RPS6KA2: variants seen among roughly 807,000 people sequenced by gnomAD.
RPS6KA2 encodes the protein ribosomal protein S6 kinase alpha-2.
A neutral mutation model predicts 91.8 loss-of-function variants in RPS6KA2; 42 were observed. The observed-to-expected ratio is 0.46, with a 90% CI of 0.36 to 0.59. The LOEUF is 0.59. Among genes scored for constraint, RPS6KA2 ranks in the 20% least tolerant of loss-of-function variants. RPS6KA2 has a pLI of 0.00. For synonymous variants in RPS6KA2, 414 were observed against 393.6 expected, an observed-to-expected ratio of 1.05 and a Z score of -0.61; for missense variants, 798 against 978.5, an observed-to-expected ratio of 0.82 and a Z score of 2.46.
At position 166,487,368 on chromosome 6, in the gene RPS6KA2, C is replaced by T. The variant is rs117644611; in HGVS notation, c.907+1465G>A. 7.5e-4 allele frequency among the ~76,000 whole-genome samples: 114 copies of T among 152,146 alleles called. 3 individuals are homozygous for T. The East Asian group carries it at 0.019, about 26-fold the overall frequency. ...ACCTGCTCTGACGTCACCAGTGCCA[C>T]GGGAGCTCACTGTGTCACCTGCTCT... On this transcript the variant is annotated intron_variant, in intron 10 of 20. Coordinates refer to ENST00000265678, the MANE Select transcript of RPS6KA2 (RefSeq NM_021135.6).
chr6:166,660,391 T>C (rs1402192180), intron 2 of RPS6KA2, among the ~76,000 whole-genome samples: 1 of 86,174 alleles, frequency 1.2e-5, no homozygotes, highest in Non-Finnish European at 2.6e-5. Flanking sequence ...TGTATGGGCA[T>C]GCGTGCGTGT....
chr6:166,474,795 C>G (rs1180643481), intron 10 of RPS6KA2, among the ~76,000 whole-genome samples: 1 of 151,952 alleles, frequency 6.6e-6, no homozygotes, highest in Non-Finnish European at 1.5e-5. Flanking sequence ...AGGGTCTAGC[C>G]CTACAAAGCC....
intron 2 of RPS6KA2, among the ~76,000 whole-genome samples, chr6:166,805,172 C>T (rs1779459816): frequency 6.6e-6 from 1 of 152,198 alleles, no homozygotes; most frequent in Admixed American, 6.5e-5. Flanking sequence ...TACCTCTTGG[C>T]GTAGTAACAG....
At position 166,745,057 on chromosome 6, in the gene RPS6KA2, AG is replaced by A. The variant is rs200922796; in HGVS notation, c.123+113142del. On this transcript the variant is annotated intron_variant, in intron 2 of 21. Transcript: ENST00000503859. ...GAGGATGTTGGCAGGGTTGGCTTCT[AG>A]GGGGACCTTGCTCTTTGGCTTTGGA... 5.3e-3 allele frequency among the ~76,000 whole-genome samples: 801 copies of A among 150,896 alleles called. 10 individuals are homozygous for A. The highest frequency in any genetic ancestry group is 6.8e-3 in the Non-Finnish European group (463 of 67,780).
At chr6:166,745,372 G>A (rs929245333) in intron 2 of RPS6KA2, among the ~76,000 whole-genome samples, 18 of 151,988 alleles carry the variant, frequency 1.2e-4, no homozygotes, top group South Asian at 2.1e-4. Flanking sequence ...AGCTGGTCTC[G>A]AACTCCTGAC....
At chr6:166,796,802 A>G (rs897693089) in intron 2 of RPS6KA2, among the ~76,000 whole-genome samples, 2 of 150,354 alleles carry the variant, frequency 1.3e-5, no homozygotes, top group African/African-American at 5.0e-5. Context: ...AGTCACTCAC[A>G]ACTGCACAGT....
chr6:166,570,217 T>C (rs540516433), intron 1 of RPS6KA2, among the ~76,000 whole-genome samples: 1 of 152,250 alleles, frequency 6.6e-6, no homozygotes, highest in Admixed American at 6.5e-5. Flanking sequence ...CTTCCTGCCA[T>C]AGCTCCAGAC....
chr6:166,776,662 G>C (rs549437996), intron 2 of RPS6KA2, among the ~76,000 whole-genome samples: 6 of 152,196 alleles, frequency 3.9e-5, no homozygotes, highest in Admixed American at 6.5e-5. Flanking sequence ...ACCGCACAGC[G>C]TGGGGTCTTC....
chr6:166,790,494 A>C (rs946226932), intron 2 of RPS6KA2, among the ~76,000 whole-genome samples: 3 of 152,270 alleles, frequency 2.0e-5, no homozygotes, highest in African/African-American at 7.2e-5. Flanking sequence ...CAACATTCAG[A>C]TTCAGGAAAT....
intron 1 of RPS6KA2, among the ~76,000 whole-genome samples, chr6:166,601,497 C>G (rs1785727436): frequency 6.6e-6 from 1 of 152,150 alleles, no homozygotes. Flanking sequence ...GAGAGACTTG[C>G]TGTATTAGCT....
chr6:166,776,817 G>A (rs1047019020), intron 2 of RPS6KA2, among the ~76,000 whole-genome samples: 1 of 152,202 alleles, frequency 6.6e-6, no homozygotes, highest in African/African-American at 2.4e-5. Flanking sequence ...ATCCATTGAT[G>A]GACATGTGGG....
chr6:166,530,516 A>G (rs1783234885), intron 3 of RPS6KA2, among the ~76,000 whole-genome samples: 2 of 152,192 alleles, frequency 1.3e-5, no homozygotes, highest in Admixed American at 6.5e-5. Flanking sequence ...CCAGGGGGTC[A>G]GTTTATGTAA....
chr6:166,783,173 C>G (rs549852227), intron 2 of RPS6KA2, among the ~76,000 whole-genome samples: 69 of 151,612 alleles, frequency 4.6e-4, no homozygotes, highest in Non-Finnish European at 9.1e-4. Context: ...ACTGCAGCCT[C>G]GACCTCCTGG....
At chr6:166,466,969 C>G (rs1780553736) in intron 11 of RPS6KA2, among the ~76,000 whole-genome samples, 1 of 151,924 alleles carries the variant, frequency 6.6e-6, no homozygotes, top group Non-Finnish European at 1.5e-5. Flanking sequence ...CTTACTCATT[C>G]ATGCACTCCC....
intron 2 of RPS6KA2, among the ~76,000 whole-genome samples, chr6:166,685,047 T>A (rs1475483649): frequency 6.6e-6 from 1 of 152,214 alleles, no homozygotes; most frequent in Admixed American, 6.5e-5. Flanking sequence ...TCCAGAGCCC[T>A]GCAAGGGCCA....
Position 166,410,381 on chromosome 6 carries a change from T to C in RPS6KA2, c.*2381A>G, listed in dbSNP as rs1308610804. The C allele has an allele frequency of 1.3e-5, 2 of 152,560 alleles. No individual in the cohort carries two copies. The highest frequency in any genetic ancestry group is 2.4e-5 in the African/African-American group (1 of 41,450). The allele number at this position is 152,560 out of a possible 1,614,324, so 9.5% of individuals were successfully genotyped here. ...GTCACTTGCTATTTCACTAAGGTTT[T>C]TGAAAGCTTAGTTTAACATATGATA... On this transcript the variant is annotated 3_prime_UTR_variant, in exon 21 of 21. Coordinates refer to ENST00000265678, the MANE Select transcript of RPS6KA2 (RefSeq NM_021135.6).
chr6:166,442,522 G>A (rs1417360477), intron 14 of RPS6KA2, among the ~76,000 whole-genome samples: 1 of 152,278 alleles, frequency 6.6e-6, no homozygotes, highest in African/African-American at 2.4e-5. Flanking sequence ...CATACAGAGC[G>A]CTTATAGCAG....
At chr6:166,468,157 T>C (rs16898959) in intron 11 of RPS6KA2, among the ~76,000 whole-genome samples, 4,128 of 152,312 alleles carry the variant, frequency 0.027, 180 homozygotes, top group African/African-American at 0.091. Flanking sequence ...CGAATGACAG[T>C]GACCTTAGGT....
Position 166,541,330 on chromosome 6 carries a change from C to T in RPS6KA2, c.100-2546G>A, listed in dbSNP as rs150955469. ...GCAGCCACCACCCTTTCCTGGGGCA[C>T]GTTTCCCAGCCCTTGTGTATGTTTC... On this transcript the variant is annotated intron_variant, in intron 1 of 20. Coordinates refer to ENST00000265678, the MANE Select transcript of RPS6KA2 (RefSeq NM_021135.6). 2.7e-3 allele frequency among the ~76,000 whole-genome samples: 406 copies of T among 152,342 alleles called. 2 individuals are homozygous for T. Among genetic ancestry groups the T allele is most frequent in the Non-Finnish European group, 3.5e-3 (241 of 68,024 alleles).
Sources: gnomAD v4.1 joint callset for allele counts (sites outside exome capture counted in the v4.1 genomes callset) on GRCh38, gnomAD v4.1.1 for gene constraint, MANE v1.5 for transcripts, NCBI Gene and HGNC (gene_info 2026-07-23, HGNC 2026-07-21) for gene names.